The following ATAD1 variants were observed in gnomAD, a reference collection of about 807,000 sequenced individuals.
ATAD1 encodes outer mitochondrial transmembrane helix translocase.
A neutral mutation model predicts 42.7 loss-of-function variants in ATAD1; 18 were observed. That is an observed-to-expected ratio of 0.42 (90% CI 0.29 to 0.63). The LOEUF is 0.63. Among genes scored for constraint, ATAD1 ranks in the 20% least tolerant of loss-of-function variants. The pLI, the probability that ATAD1 is intolerant of heterozygous loss-of-function variation, is 0.19. For synonymous variants in ATAD1, 132 were observed against 143.1 expected (o/e 0.92, Z 0.55); for missense variants, 294 against 440.4 (o/e 0.67, Z 2.98).
chr10:87,823,892 G>T (rs183713840), intron 1 of ATAD1, among the ~76,000 whole-genome samples: 1 of 152,104 alleles, frequency 6.6e-6, no homozygotes, highest in African/African-American at 2.4e-5. Flanking sequence ...CCTCCCACCC[G>T]TTTCTCTAAT....
At chr10:87,821,423 T>C (rs914889763), upstream of ATAD1, among the ~76,000 whole-genome samples, 16 of 151,996 alleles carry the variant, frequency 1.1e-4, no homozygotes, top group Admixed American at 6.6e-5. Context: ...TCCCAGTTAC[T>C]TGGGAGGCTG....
At chr10:87,755,407 C>T (rs919374453) in intron 9 of ATAD1, among the ~76,000 whole-genome samples, 1 of 151,984 alleles carries the variant, frequency 6.6e-6, no homozygotes, top group Non-Finnish European at 1.5e-5. Flanking sequence ...AAAGTTATAA[C>T]CCAAGTCCAT....
At position 87,829,287 on chromosome 10, in the gene ATAD1, A is replaced by T. The variant is rs1052682611; in HGVS notation, c.-14+11900T>A. On this transcript the variant is annotated intron_variant, in intron 1 of 4. Transcript: ENST00000495903. The stretch of plus-strand genomic sequence containing the variant: ...TTTATTTATTATGAGATGGAGTCTC[A>T]CTCTGTCTCCCAGGCTGGAGTGTAG... Among the ~76,000 whole-genome samples the T allele has an allele frequency of 8.0e-5, 12 of 149,586 alleles. No homozygotes were observed. In the East Asian group the frequency reaches 2.2e-3, roughly 27 times the overall value.
chr10:87,771,597 T>G (rs1024764425), intron 6 of ATAD1, among the ~76,000 whole-genome samples: 1 of 152,150 alleles, frequency 6.6e-6, no homozygotes, highest in African/African-American at 2.4e-5. Context: ...AGGTGATAGC[T>G]TCTCAATGCG....
intron 4 of ATAD1, among the ~76,000 whole-genome samples, chr10:87,786,896 A>G (rs1424520254): frequency 1.3e-5 from 2 of 152,048 alleles, no homozygotes; most frequent in Admixed American, 6.6e-5. Context: ...CAGAGGTTGC[A>G]GTGAGCCGAG....
At chr10:87,837,263 T>G (rs1443213392) in intron 1 of ATAD1, among the ~76,000 whole-genome samples, 2 of 152,212 alleles carry the variant, frequency 1.3e-5, no homozygotes, top group African/African-American at 4.8e-5. Context: ...TTTGTTTAAA[T>G]CATATGGAGA....
intron 6 of ATAD1, among the ~76,000 whole-genome samples, chr10:87,774,638 T>C (rs1461196020): frequency 6.6e-6 from 1 of 151,888 alleles, no homozygotes; most frequent in Non-Finnish European, 1.5e-5. Flanking sequence ...ACAGAAAATA[T>C]GAAAGAGACG....
Position 87,766,683 on chromosome 10 carries a change from C to T in ATAD1, c.831+990G>A, listed in dbSNP as rs367605923. On this transcript the variant is annotated intron_variant, in intron 8 of 9. Transcript: ENST00000680024. ...AAAATTAGCCGAGTGTGGTGGCACA[C>T]GCCTGTAATCCCAGCTACTCAGGAG... Among the ~76,000 whole-genome samples the T allele has an allele frequency of 3.4e-4, 52 of 151,962 alleles. No individual in the cohort carries two copies. The South Asian group carries it at 9.1e-3, about 27-fold the overall frequency.
chr10:87,751,523 G>A lies in ATAD1; in HGVS notation c.*3164C>T, dbSNP rs1212789098. 1 of 152,092 alleles carries A rather than the reference G, an allele frequency of 6.6e-6. No homozygotes were observed. Among genetic ancestry groups the A allele is most frequent in the African/African-American group, 2.4e-5 (1 of 41,418 alleles). The allele number at this position is 152,092 out of a possible 1,614,324, so 9.4% of individuals were successfully genotyped here. A position where few individuals can be genotyped will look rare whatever the true frequency, so the allele number is the denominator to read the frequency against. On this transcript the variant is annotated 3_prime_UTR_variant, in exon 10 of 10. Coordinates refer to ENST00000680024, the MANE Select transcript of ATAD1 (RefSeq NM_001321967.2). ...CACATTTTAGTCAATTATGTTAGAA[G>A]CTCATATTTAATAAGGTTCAAGTTC...
intron 1 of ATAD1, among the ~76,000 whole-genome samples, chr10:87,829,997 A>T (rs1857799677): frequency 6.6e-6 from 1 of 152,224 alleles, no homozygotes; most frequent in Non-Finnish European, 1.5e-5. Flanking sequence ...CTGCAGAGAA[A>T]TATTTTATGA....
chr10:87,830,160 A>G (rs1050392943), intron 1 of ATAD1, among the ~76,000 whole-genome samples: 1 of 152,224 alleles, frequency 6.6e-6, no homozygotes, highest in Non-Finnish European at 1.5e-5. Context: ...GTGATATACC[A>G]GTGGGAAAGC....
At chr10:87,778,178 T>TAAAAAA (rs377243162) in intron 5 of ATAD1, among the ~76,000 whole-genome samples, 5 of 88,756 alleles carry the variant, frequency 5.6e-5, no homozygotes, top group African/African-American at 1.7e-4. Context: ...TAGAATAAAT[T>TAAAAAA]AAAAAAAAAA....
At chr10:87,813,904 A>G (rs1352320177) in intron 2 of ATAD1, among the ~76,000 whole-genome samples, 2 of 152,136 alleles carry the variant, frequency 1.3e-5, no homozygotes, top group African/African-American at 4.8e-5. Flanking sequence ...TGTTTTGATG[A>G]CAAACAGAAA....
At chr10:87,825,914 A>C (rs1436742664) in intron 1 of ATAD1, among the ~76,000 whole-genome samples, 1 of 152,158 alleles carries the variant, frequency 6.6e-6, no homozygotes, top group Non-Finnish European at 1.5e-5. Context: ...AATTAATAGA[A>C]ACATTCCCAA....
chr10:87,800,685 G>A (rs1856652440), intron 2 of ATAD1, among the ~76,000 whole-genome samples: 1 of 152,086 alleles, frequency 6.6e-6, no homozygotes, highest in Non-Finnish European at 1.5e-5. Context: ...GTGCCATTGA[G>A]TTACATGGCT....
intron 2 of ATAD1, among the ~76,000 whole-genome samples, chr10:87,803,425 C>A (rs1004660677): frequency 1.3e-5 from 2 of 152,222 alleles, no homozygotes; most frequent in African/African-American, 4.8e-5. Context: ...GGCAAATCTG[C>A]CTTCCATTCT....
At chr10:87,793,823 G>A (rs927682008) in intron 2 of ATAD1, among the ~76,000 whole-genome samples, 1 of 152,088 alleles carries the variant, frequency 6.6e-6, no homozygotes, top group African/African-American at 2.4e-5. Flanking sequence ...TGATTATATA[G>A]AATCTTGCTG....
In ATAD1 at chr10:87,754,679, C is replaced by G; in HGVS notation, c.*8G>C. 1 of 1,611,418 alleles carries G rather than the reference C, an allele frequency of 6.2e-7. No homozygotes were observed. The highest frequency in any genetic ancestry group is 8.5e-7 in the Non-Finnish European group (1 of 1,179,028). On this transcript the variant is annotated 3_prime_UTR_variant, in exon 10 of 10. Transcript: ENST00000680024. ...TAGATCACTGAACTGTACAAATGAT[C>G]TTTACTCTTAATCTAAACAAACATG...
intron 2 of ATAD1, among the ~76,000 whole-genome samples, chr10:87,802,767 T>C (rs1262728665): frequency 6.6e-6 from 1 of 152,142 alleles, no homozygotes; most frequent in African/African-American, 2.4e-5. Context: ...AATGAGAAAC[T>C]GGAGACAGAG....
Sources: gnomAD v4.1 joint callset for allele counts (sites outside exome capture counted in the v4.1 genomes callset) on GRCh38, gnomAD v4.1.1 for gene constraint, MANE v1.5 for transcripts, NCBI Gene and HGNC (gene_info 2026-07-23, HGNC 2026-07-21) for gene names.